AGBL1: variants seen among roughly 807,000 people sequenced by gnomAD.
The protein encoded by AGBL1 is cytosolic carboxypeptidase 4.
A neutral mutation model predicts 118.9 loss-of-function variants in AGBL1; 130 were observed. The observed-to-expected ratio is 1.09, with a 90% CI of 0.95 to 1.26. AGBL1 has a LOEUF of 1.26. AGBL1 is among the 50% of genes most tolerant of loss of function. The probability of loss-of-function intolerance (pLI) is 0.00; values close to 1 mark genes in which losing one functional copy is unlikely to be tolerated. For missense variants in AGBL1, 1,584 were observed against 1,298.1 expected, an observed-to-expected ratio of 1.22 and a Z score of -3.38; for synonymous variants, 555 against 478.9, an observed-to-expected ratio of 1.16 and a Z score of -2.08.
intron 17 of AGBL1, among the ~76,000 whole-genome samples, chr15:86,377,921 C>G (rs16976550): frequency 0.13 from 20,260 of 152,136 alleles, 1,460 homozygotes; most frequent in Admixed American, 0.17. Context: ...CTGCTGTGGT[C>G]CTCTCTTCTT....
chr15:86,789,922 C>T (rs905877829), intron 22 of AGBL1, among the ~76,000 whole-genome samples: 6 of 152,108 alleles, frequency 3.9e-5, no homozygotes, highest in African/African-American at 1.4e-4. Flanking sequence ...AAATAGTCAC[C>T]AGGAGACTAG....
chr15:86,268,968 A>T (rs1038967426), intron 13 of AGBL1, among the ~76,000 whole-genome samples: 5 of 152,232 alleles, frequency 3.3e-5, no homozygotes, highest in Admixed American at 2.0e-4. Context: ...CAACATTTTT[A>T]AAAATGAAAT....
intron 23 of AGBL1, among the ~76,000 whole-genome samples, chr15:86,934,666 T>C (rs2080645255): frequency 6.7e-6 from 1 of 148,404 alleles, no homozygotes; most frequent in Non-Finnish European, 1.5e-5. Flanking sequence ...ATGATTAAGA[T>C]TATAGCCCCT....
chr15:86,646,434 A>T (rs2085280733), intron 21 of AGBL1, among the ~76,000 whole-genome samples: 1 of 152,178 alleles, frequency 6.6e-6, no homozygotes, highest in Non-Finnish European at 1.5e-5. Flanking sequence ...CTTCTCATAG[A>T]AAAGGTTTTG....
At chr15:86,310,591 G>A (rs2079906023) in intron 17 of AGBL1, among the ~76,000 whole-genome samples, 1 of 152,022 alleles carries the variant, frequency 6.6e-6, no homozygotes, top group South Asian at 2.1e-4. Context: ...CCCTGGGGTG[G>A]ACCTGTTCAC....
At chr15:86,359,274 C>T (rs1477681414) in intron 17 of AGBL1, among the ~76,000 whole-genome samples, 1 of 151,628 alleles carries the variant, frequency 6.6e-6, no homozygotes, top group Non-Finnish European at 1.5e-5. Flanking sequence ...TCTGAAGAGA[C>T]TGTTCTTTCT....
Position 86,196,875 on chromosome 15 carries a change from G to A in AGBL1, c.489-28039G>A, listed in dbSNP as rs759137910. 2.7e-3 allele frequency among the ~76,000 whole-genome samples: 230 copies of A among 86,728 alleles called. 5 individuals are homozygous for A. The highest frequency in any genetic ancestry group is 0.026 in the East Asian group (61 of 2,368). 56.9% of individuals were successfully genotyped at this position (86,728 alleles called of 152,430 possible). ...TATGCGAATGTGCACATGTGCGCGC[G>A]CGCGCACACACACACACACACACAC... is the stretch of plus-strand genomic sequence containing the variant. On this transcript the variant is annotated intron_variant, in intron 5 of 22. Transcript: ENST00000614907.
chr15:86,840,364 G>A (rs1266113055), intron 22 of AGBL1, among the ~76,000 whole-genome samples: 1 of 152,176 alleles, frequency 6.6e-6, no homozygotes, highest in African/African-American at 2.4e-5. Context: ...AGATGACACT[G>A]TGTGGAAATT....
chr15:86,739,768 G>C (rs2077651673), intron 22 of AGBL1, among the ~76,000 whole-genome samples: 1 of 152,120 alleles, frequency 6.6e-6, no homozygotes, highest in African/African-American at 2.4e-5. Context: ...GGAAACAAGG[G>C]AGGATGCAAA....
At chr15:86,082,934 C>T (rs968075724) in intron 1 of AGBL1, among the ~76,000 whole-genome samples, 1 of 152,198 alleles carries the variant, frequency 6.6e-6, no homozygotes, top group Admixed American at 6.5e-5. Flanking sequence ...GCTGTTTATC[C>T]TTATGAAAGT....
intron 22 of AGBL1, among the ~76,000 whole-genome samples, chr15:86,786,974 C>A (rs1377093): frequency 0.43 from 65,196 of 151,792 alleles, 16,545 homozygotes; most frequent in Non-Finnish European, 0.6. Flanking sequence ...AATTTACACT[C>A]GTACCAACAG....
intron 17 of AGBL1, among the ~76,000 whole-genome samples, chr15:86,358,815 G>GT (rs552897261): frequency 6.6e-6 from 1 of 151,794 alleles, no homozygotes; most frequent in African/African-American, 2.4e-5. Flanking sequence ...CTGTTTGTAC[G>GT]TTTTTTCTTG....
At chr15:86,749,447 C>T (rs1255737616) in intron 22 of AGBL1, among the ~76,000 whole-genome samples, 1 of 152,032 alleles carries the variant, frequency 6.6e-6, no homozygotes, top group Non-Finnish European at 1.5e-5. Context: ...ATAATCATGT[C>T]ATCTGCAAAC....
At chr15:86,869,017 G>A (rs1031884462) in intron 22 of AGBL1, among the ~76,000 whole-genome samples, 21 of 152,140 alleles carry the variant, frequency 1.4e-4, no homozygotes, top group East Asian at 5.8e-4. Flanking sequence ...CCAAGCAAAG[G>A]CATCATTTTG....
At chr15:86,438,209 C>T (rs187932181) in intron 18 of AGBL1, among the ~76,000 whole-genome samples, 2 of 152,108 alleles carry the variant, frequency 1.3e-5, no homozygotes, top group African/African-American at 4.8e-5. Context: ...CCCGGCCAAG[C>T]CTCAGTTTTT....
At chr15:86,484,324 T>C (rs548002451) in intron 18 of AGBL1, among the ~76,000 whole-genome samples, 7 of 152,182 alleles carry the variant, frequency 4.6e-5, no homozygotes, top group African/African-American at 1.7e-4. Flanking sequence ...TGGAAAGAAC[T>C]GCACAGAGGA....
At chr15:86,373,274 T>A (rs58566907) in intron 17 of AGBL1, among the ~76,000 whole-genome samples, 4,810 of 152,294 alleles carry the variant, frequency 0.032, 197 homozygotes, top group African/African-American at 0.086. Flanking sequence ...CCTCTTATAA[T>A]GTGATTAATT....
intron 5 of AGBL1, among the ~76,000 whole-genome samples, chr15:86,220,107 A>G (rs1045580136): frequency 1.3e-5 from 2 of 152,012 alleles, no homozygotes; most frequent in Admixed American, 6.6e-5. Flanking sequence ...GCCTGCCACC[A>G]TGCCCAGCTA....
At chr15:86,450,871 T>A (rs989374090) in intron 18 of AGBL1, among the ~76,000 whole-genome samples, 1 of 152,218 alleles carries the variant, frequency 6.6e-6, no homozygotes, top group Non-Finnish European at 1.5e-5. Context: ...TTTATTTATC[T>A]TCATTAGTTA....
Sources: gnomAD v4.1 joint callset for allele counts (sites outside exome capture counted in the v4.1 genomes callset) on GRCh38, gnomAD v4.1.1 for gene constraint, MANE v1.5 for transcripts, NCBI Gene and HGNC (gene_info 2026-07-23, HGNC 2026-07-21) for gene names.